PNPLA1: variants seen among roughly 807,000 people sequenced by gnomAD.
The protein encoded by PNPLA1 is patatin like domain 1, omega-hydroxyceramide transacylase.
PNPLA1 carries 36 observed loss-of-function variants against 51.7 expected under a neutral mutation model. That is an observed-to-expected ratio of 0.70 (90% CI 0.53 to 0.92). PNPLA1 has a LOEUF of 0.92. Among genes scored for constraint, PNPLA1 ranks in the 40% least tolerant of loss-of-function variants. The pLI is 0.00. For missense variants in PNPLA1, 658 were observed against 682.5 expected, an observed-to-expected ratio of 0.96 and a Z score of 0.40; for synonymous variants, 293 against 280.1, an observed-to-expected ratio of 1.05 and a Z score of -0.46.
chr6:36,291,569 G>C lies in PNPLA1; in HGVS notation c.438+17G>C. ...CTCATTGAGGCAAGGGGGCTGGGCT[G>C]GGAGGGAGGGACACGGAGGGGGCGG... On this transcript the variant is annotated intron_variant, in intron 2 of 8. Transcript: ENST00000636260. 8.4e-7 allele frequency: 1 copy of C among 1,192,230 alleles called. No homozygotes were observed. The highest frequency in any genetic ancestry group is 1.5e-5 in the African/African-American group (1 of 65,830). 73.9% of individuals were successfully genotyped at this position (1,192,230 alleles called of 1,614,324 possible).
intron 1 of PNPLA1, among the ~76,000 whole-genome samples, chr6:36,251,752 A>G (rs1769425055): frequency 1.3e-5 from 2 of 152,144 alleles, no homozygotes; most frequent in Admixed American, 6.5e-5. Context: ...AACCTGGGCA[A>G]CATAGTGAGA....
chr6:36,260,365 C>T (rs967891602), intron 1 of PNPLA1, among the ~76,000 whole-genome samples: 3 of 151,998 alleles, frequency 2.0e-5, no homozygotes, highest in African/African-American at 4.8e-5. Context: ...AACCTTACAA[C>T]TTGGGGGGAA....
chr6:36,284,158 G>T (rs1288028903), intron 1 of PNPLA1, among the ~76,000 whole-genome samples: 2 of 152,236 alleles, frequency 1.3e-5, no homozygotes, highest in East Asian at 1.9e-4. Flanking sequence ...CTACCTGAGG[G>T]CAAGCAAAGA....
At chr6:36,291,107 G>A (rs1031584731) in intron 1 of PNPLA1, among the ~76,000 whole-genome samples, 3 of 152,174 alleles carry the variant, frequency 2.0e-5, no homozygotes, top group African/African-American at 7.2e-5. Context: ...GCCTAGCTCT[G>A]GGCTCTCCGG....
Position 36,283,623 on chromosome 6 carries a change from T to C in PNPLA1, c.206-7697T>C, listed in dbSNP as rs566798425. On this transcript the variant is annotated intron_variant, in intron 1 of 8. Coordinates refer to ENST00000636260, the MANE Select transcript of PNPLA1 (RefSeq NM_001374623.1). ...CAGCCTGGGCAATGTAGTGAGACCCTATCTCTAAAAAAATTAAGAAAGAAA... is the reference window on the plus strand; with the variant it reads ...CAGCCTGGGCAATGTAGTGAGACCCCATCTCTAAAAAAATTAAGAAAGAAA... 1.1e-4 allele frequency among the ~76,000 whole-genome samples: 16 copies of C among 152,262 alleles called. No homozygotes were observed. The East Asian group carries it at 3.1e-3, about 29-fold the overall frequency.
At chr6:36,293,376 C>G (rs1376688104) in intron 3 of PNPLA1, among the ~76,000 whole-genome samples, 1 of 152,194 alleles carries the variant, frequency 6.6e-6, no homozygotes, top group African/African-American at 2.4e-5. Flanking sequence ...CAAATCAAGG[C>G]TCCATAGGCT....
At position 36,302,098 on chromosome 6, in the gene PNPLA1, C is replaced by G; in HGVS notation, c.1013C>G (p.Thr338Arg). ...VSQPVQTLEF[T>R]CESPVSAPVS... ...CAACCTGTGCAGACACTTGAATTCA[C>G]ATGCGAGTCACCTGTTTCAGCACCA... The change falls in exon 6 of 9, where the codon ACA (threonine) becomes AGA (arginine). Residue 338 changes from threonine (T) to arginine (R), a missense_variant. Coordinates refer to ENST00000636260, the MANE Select transcript of PNPLA1 (RefSeq NM_001374623.1). The G allele has an allele frequency of 6.2e-7, 1 of 1,614,254 alleles. No homozygotes were observed. Among genetic ancestry groups the G allele is most frequent in the Non-Finnish European group, 8.5e-7 (1 of 1,180,046 alleles).
upstream of PNPLA1, among the ~76,000 whole-genome samples, chr6:36,265,470 C>G (rs1465117132): frequency 6.6e-6 from 1 of 152,136 alleles, no homozygotes; most frequent in East Asian, 1.9e-4. Context: ...TACAAATTTT[C>G]AAATTAAGTT....
At chr6:36,299,804 C>T (rs553064597) in intron 5 of PNPLA1, among the ~76,000 whole-genome samples, 14 of 152,264 alleles carry the variant, frequency 9.2e-5, no homozygotes, top group Non-Finnish European at 1.9e-4. Context: ...GTGAAGCATT[C>T]GTTCCACTCT....
chr6:36,271,092 C>CT (rs1769903726), intron 1 of PNPLA1, among the ~76,000 whole-genome samples: 1 of 152,332 alleles, frequency 6.6e-6, no homozygotes, highest in Admixed American at 6.5e-5. Flanking sequence ...CTTCAAATCT[C>CT]TATCACCCTG....
intron 1 of PNPLA1, among the ~76,000 whole-genome samples, chr6:36,286,700 G>A (rs927581701): frequency 2.6e-5 from 4 of 152,104 alleles, no homozygotes; most frequent in African/African-American, 7.2e-5. Flanking sequence ...TTTTTTAGAG[G>A]CAGGGTCTCA....
intron 3 of PNPLA1, 114 bp downstream of exon 3, chr6:36,293,240 A>G: frequency 2.9e-6 from 3 of 1,033,238 alleles, no homozygotes; most frequent in Non-Finnish European, 4.4e-6. Context: ...GAGGACCTAG[A>G]GTTGGAGAGT....
intron 1 of PNPLA1, among the ~76,000 whole-genome samples, chr6:36,264,625 C>G (rs1403404217): frequency 2.0e-5 from 3 of 152,164 alleles, no homozygotes; most frequent in Admixed American, 1.3e-4. Context: ...GGAGGTTTCA[C>G]CTTTACTTGT....
At chr6:36,277,956 G>A (rs914660890) in intron 1 of PNPLA1, among the ~76,000 whole-genome samples, 1 of 152,330 alleles carries the variant, frequency 6.6e-6, no homozygotes, top group Non-Finnish European at 1.5e-5. Context: ...CTGTGGCAGT[G>A]GGAGCATGAG....
At chr6:36,282,988 T>A (rs1770367340) in intron 1 of PNPLA1, among the ~76,000 whole-genome samples, 1 of 152,208 alleles carries the variant, frequency 6.6e-6, no homozygotes, top group South Asian at 2.1e-4. Flanking sequence ...TGACCTGATC[T>A]GTGTTTTTTT....
chr6:36,248,900 G>T lies in PNPLA1; in HGVS notation c.-81+5639G>T, dbSNP rs891772845. Among the ~76,000 whole-genome samples, 20 of 152,308 alleles carry T rather than the reference G, an allele frequency of 1.3e-4. No individual in the cohort carries two copies. The South Asian group carries it at 1.5e-3, about 11-fold the overall frequency. On this transcript the variant is annotated intron_variant, in intron 1 of 7. Transcript: ENST00000312917. ...AACTTCATCTTCTGAAAAAGGGGGGGTGTGGGCAAGGTCGGCACTGCTTGT... is the reference window on the plus strand; with the variant it reads ...AACTTCATCTTCTGAAAAAGGGGGGTTGTGGGCAAGGTCGGCACTGCTTGT...
At chr6:36,267,573 C>T (rs1363629505), upstream of PNPLA1, among the ~76,000 whole-genome samples, 1 of 152,228 alleles carries the variant, frequency 6.6e-6, no homozygotes, top group Non-Finnish European at 1.5e-5. Context: ...TGCACTGTCT[C>T]TGAAGGGGTG....
chr6:36,263,551 C>T (rs1479441736), intron 1 of PNPLA1, among the ~76,000 whole-genome samples: 4 of 152,206 alleles, frequency 2.6e-5, no homozygotes. Context: ...GATTAGGACT[C>T]TTATAAACAC....
chr6:36,266,769 T>G (rs973388044), upstream of PNPLA1, among the ~76,000 whole-genome samples: 2 of 152,224 alleles, frequency 1.3e-5, no homozygotes, highest in Non-Finnish European at 2.9e-5. Context: ...TGCTCCATAT[T>G]TACTGTAAGC....
Sources: gnomAD v4.1 joint callset for allele counts (sites outside exome capture counted in the v4.1 genomes callset) on GRCh38, gnomAD v4.1.1 for gene constraint, MANE v1.5 for transcripts, NCBI Gene and HGNC (gene_info 2026-07-23, HGNC 2026-07-21) for gene names.